Variants in M1AP observed in about 807,000 individuals in gnomAD.
The protein encoded by M1AP is meiosis 1 arrest protein.
A neutral mutation model predicts 51.2 loss-of-function variants in M1AP; 39 were observed. The observed-to-expected ratio is 0.76, with a 90% CI of 0.59 to 1.00. The LOEUF (loss-of-function observed/expected upper bound fraction) is 1.00. Ranked by LOEUF, M1AP falls within the 50% of genes least tolerant of loss-of-function variation. The pLI is 0.00. For synonymous variants in M1AP, 251 were observed against 249.2 expected, an observed-to-expected ratio of 1.01 and a Z score of -0.07; for missense variants, 545 against 641.2, an observed-to-expected ratio of 0.85 and a Z score of 1.62.
Position 74,558,818 on chromosome 2 carries a change from A to C in M1AP, c.1491T>G (p.Thr497=), listed in dbSNP as rs751406379. 6.2e-7 allele frequency: 1 copy of C among 1,609,094 alleles called. No homozygotes were observed. Among genetic ancestry groups the C allele is most frequent in the Admixed American group, 1.7e-5 (1 of 59,014 alleles). The change falls in exon 11 of 11, where the codon ACT becomes ACG. Residue 497 remains threonine (T), a synonymous_variant. Coordinates refer to ENST00000421985, the MANE Select transcript of M1AP (RefSeq NM_001321739.2). ...TCTTGGAGGCTCTGCCTGGGACAGG[A>C]GTCATAGGCAGGGGGGCCACAGTAG... ...ARATVAPLPM[T]PVPGRASKMP...
rs554841690 is a variant in M1AP, at chr2:74,643,935, A to G, written c.-52-3608T>C. On this transcript the variant is annotated intron_variant, in intron 1 of 10. Coordinates refer to ENST00000421985, the MANE Select transcript of M1AP (RefSeq NM_001321739.2). ...TTGATCTTTATTGTGGATATTGGGT[A>G]TTCACTTTCTACTATTAAACTACAC... 1.1e-3 allele frequency among the ~76,000 whole-genome samples: 173 copies of G among 152,270 alleles called. No individual in the cohort carries two copies. The South Asian group carries it at 0.034, about 30-fold the overall frequency.
chr2:74,623,741 G>A (rs1682209177), intron 2 of M1AP, among the ~76,000 whole-genome samples: 1 of 152,148 alleles, frequency 6.6e-6, no homozygotes, highest in Non-Finnish European at 1.5e-5. Flanking sequence ...GCGTGATCAT[G>A]ATTCACTGCA....
intron 3 of M1AP, 94 bp downstream of exon 3, chr2:74,614,870 A>T: frequency 8.5e-7 from 1 of 1,175,172 alleles, no homozygotes. Flanking sequence ...TCTAGAGTGA[A>T]TGAAAGATAG....
In M1AP at chr2:74,600,759, C is replaced by T. The variant is rs977781471; in HGVS notation, c.595+6296G>A. Among the ~76,000 whole-genome samples, 14 of 151,986 alleles carry T rather than the reference C, an allele frequency of 9.2e-5. No homozygotes were observed. In the South Asian group the frequency reaches 1.9e-3, roughly 20 times the overall value. ...TTTATAATATTATGTTACATGAAAACAAAAAATTATATACATGAATTATAA... is the reference window on the plus strand; with the variant it reads ...TTTATAATATTATGTTACATGAAAATAAAAAATTATATACATGAATTATAA... On this transcript the variant is annotated intron_variant, in intron 4 of 10. Transcript: ENST00000421985.
intron 2 of M1AP, among the ~76,000 whole-genome samples, chr2:74,634,971 C>CTAT (rs1225598922): frequency 1.3e-5 from 2 of 151,988 alleles, no homozygotes; most frequent in African/African-American, 4.8e-5. Context: ...CCACCTTAGT[C>CTAT]TATTTTGGGG....
At chr2:74,614,275 A>G (rs1238917241) in intron 3 of M1AP, among the ~76,000 whole-genome samples, 2 of 152,172 alleles carry the variant, frequency 1.3e-5, no homozygotes, top group African/African-American at 4.8e-5. Flanking sequence ...GGATCTAAAA[A>G]ATATTGTTGA....
rs553240780 is a variant in M1AP, at chr2:74,618,447, CTAA to C, written c.241-3301_241-3299del. 3.1e-4 allele frequency among the ~76,000 whole-genome samples: 47 copies of C among 152,258 alleles called. 1 individual carries two copies. The highest frequency in any genetic ancestry group is 1.1e-3 in the Admixed American group (17 of 15,302). On this transcript the variant is annotated intron_variant, in intron 2 of 10. Coordinates refer to ENST00000421985, the MANE Select transcript of M1AP (RefSeq NM_001321739.2). Reference sequence around the variant, plus strand: ...AAGAATGTTTTTAGCAGGTGAAAACCTAATGCTCTTCAGACTGTAGCAGGGCCC... The same window carrying C: ...AAGAATGTTTTTAGCAGGTGAAAACCTGCTCTTCAGACTGTAGCAGGGCCC...
intron 2 of M1AP, among the ~76,000 whole-genome samples, chr2:74,631,420 T>C (rs1682698039): frequency 6.6e-6 from 1 of 152,272 alleles, no homozygotes; most frequent in Admixed American, 6.5e-5. Flanking sequence ...CTCTTATTAC[T>C]CTTACGCTCC....
chr2:74,621,757 C>T (rs1682056072), intron 2 of M1AP, among the ~76,000 whole-genome samples: 1 of 151,854 alleles, frequency 6.6e-6, no homozygotes, highest in Non-Finnish European at 1.5e-5. Context: ...CGCGCTACTG[C>T]ACTCCAGCCT....
At position 74,575,540 on chromosome 2, in the gene M1AP, A is replaced by G. The variant is rs56802236; in HGVS notation, c.972T>C (p.Tyr324=). ...KSSGLCESLT[Y]GLPFILRPTS... ...TAGGTCTGAGGATGAACGGGAGTCC[A>G]TATGTCAATGACTCGCAGAGCCCGC... is the stretch of plus-strand genomic sequence containing the variant. The change falls in exon 7 of 11, where the codon TAT becomes TAC. Residue 324 remains tyrosine (Y), a synonymous_variant. Coordinates refer to ENST00000421985, the MANE Select transcript of M1AP (RefSeq NM_001321739.2). The G allele has an allele frequency of 3.1e-6, 5 of 1,614,198 alleles. No homozygotes were observed. The East Asian group carries it at 6.7e-5, about 22-fold the overall frequency.
chr2:74,579,082 A>G (rs1679252323), intron 5 of M1AP, among the ~76,000 whole-genome samples: 1 of 152,240 alleles, frequency 6.6e-6, no homozygotes, highest in Non-Finnish European at 1.5e-5. Context: ...CAGTCTGGAT[A>G]TAAGTTCCAC....
At chr2:74,564,440 C>G (rs79117103) in intron 7 of M1AP, among the ~76,000 whole-genome samples, 1 of 152,224 alleles carries the variant, frequency 6.6e-6, no homozygotes, top group African/African-American at 2.4e-5. Context: ...ATGATGCATC[C>G]TCACTAGAAG....
chr2:74,581,590 T>C, intron 5 of M1AP, 84 bp downstream of exon 5: 3 of 1,351,716 alleles, frequency 2.2e-6, no homozygotes, highest in Non-Finnish European at 2.1e-6. Context: ...AACGATGCTA[T>C]ATTCCACTGA....
intron 1 of M1AP, among the ~76,000 whole-genome samples, chr2:74,643,590 C>CTTTTTT (rs1161305967): frequency 7.7e-6 from 1 of 130,084 alleles, no homozygotes; most frequent in African/African-American, 2.8e-5. Flanking sequence ...TGGTAATGTT[C>CTTTTTT]TTTTTTTTTT....
At chr2:74,588,363 A>C (rs1679841348) in intron 4 of M1AP, among the ~76,000 whole-genome samples, 1 of 150,810 alleles carries the variant, frequency 6.6e-6, no homozygotes, top group African/African-American at 2.5e-5. Flanking sequence ...ATAGAGTCAC[A>C]GTATCTTAGC....
chr2:74,575,636 A>G, intron 6 of M1AP, 57 bp from the exon 7 acceptor site: 1 of 1,364,626 alleles, frequency 7.3e-7, no homozygotes, highest in Non-Finnish European at 1.0e-6. Flanking sequence ...ACCTCCACCT[A>G]GATCCACTTC....
chr2:74,571,136 A>C (rs1237512728), intron 7 of M1AP, among the ~76,000 whole-genome samples: 2 of 152,138 alleles, frequency 1.3e-5, no homozygotes, highest in Non-Finnish European at 2.9e-5. Flanking sequence ...CAGAAGAGAG[A>C]GAGATTGGAG....
intron 2 of M1AP, among the ~76,000 whole-genome samples, chr2:74,627,812 C>T (rs141040458): frequency 2.6e-5 from 4 of 152,258 alleles, no homozygotes; most frequent in Non-Finnish European, 5.9e-5. Context: ...AGAAATTTCT[C>T]CATGAAGTGC....
chr2:74,646,686 A>G (rs971357709), intron 1 of M1AP, among the ~76,000 whole-genome samples: 2 of 152,190 alleles, frequency 1.3e-5, no homozygotes, highest in Admixed American at 6.5e-5. Flanking sequence ...CAAATAAAAC[A>G]CTTTAGCTCT....
Sources: allele counts gnomAD v4.1 joint callset (sites outside exome capture counted in the v4.1 genomes callset), GRCh38; gene constraint gnomAD v4.1.1; transcripts MANE v1.5; gene names NCBI Gene and HGNC (gene_info 2026-07-23, HGNC 2026-07-21).